Variants in GLIS3 observed in about 807,000 individuals in gnomAD.
The protein encoded by GLIS3 is GLIS family zinc finger 3.
Under a neutral mutation model 78.6 loss-of-function variants are expected in GLIS3, and 53 were observed. The observed-to-expected ratio is 0.67, with a 90% CI of 0.54 to 0.85. The LOEUF (loss-of-function observed/expected upper bound fraction) is 0.85. GLIS3 is among the 40% of genes least tolerant of loss of function. The pLI is 0.00. For missense variants in GLIS3, 1,703 were observed against 1,231.1 expected (o/e 1.38, Z -5.74); for synonymous variants, 684 against 509.9 (o/e 1.34, Z -4.60).
the GLIS3 span, among the ~76,000 whole-genome samples, chr9:4,438,196 C>A: frequency 2.6e-5 from 4 of 152,108 alleles, no homozygotes; most frequent in Admixed American, 2.6e-4. Flanking sequence ...TAAAATATTT[C>A]CCTTCTACAA....
intron 2 of GLIS3, among the ~76,000 whole-genome samples, chr9:4,226,392 T>C (rs1355704789): frequency 6.6e-6 from 1 of 152,104 alleles, no homozygotes; most frequent in Non-Finnish European, 1.5e-5. Context: ...AATAAATATA[T>C]GTTGAATAAA....
rs111650035 is a variant in GLIS3 at position 4,100,899 on chromosome 9, G to A, written c.1710+16869C>T. Among the ~76,000 whole-genome samples the A allele has an allele frequency of 4.9e-4, 74 of 152,220 alleles. 1 individual carries two copies. Among genetic ancestry groups the A allele is most frequent in the Admixed American group, 2.0e-3 (30 of 15,282 alleles). On this transcript the variant is annotated intron_variant, in intron 4 of 10. Coordinates refer to ENST00000381971, the MANE Select transcript of GLIS3 (RefSeq NM_001042413.2). The stretch of plus-strand genomic sequence containing the variant: ...ATGGCACCCCTCCTGGAACCCTCTC[G>A]TTGTACAATATCAGGGAACACAAAA...
chr9:4,356,671 G>A, the GLIS3 span, among the ~76,000 whole-genome samples: 7 of 152,174 alleles, frequency 4.6e-5, no homozygotes, highest in Non-Finnish European at 5.9e-5. Flanking sequence ...AAGAGTATGT[G>A]ATCAAAGACT....
rs905704711 is a variant in GLIS3, at chr9:4,046,286, T to C, written c.1710+71482A>G. Among the ~76,000 whole-genome samples, 45 of 152,208 alleles carry C rather than the reference T, an allele frequency of 3.0e-4. 1 individual carries two copies. The highest frequency in any genetic ancestry group is 2.1e-3 in the Admixed American group (32 of 15,282). On this transcript the variant is annotated intron_variant, in intron 4 of 10. Transcript: ENST00000381971. ...TGAACATTTTCATCATGCACCTATG[T>C]GAAGACAGTAAAGGCAACCCTACCA...
At chr9:3,911,397 T>C (rs117620755) in intron 6 of GLIS3, among the ~76,000 whole-genome samples, 1 of 152,234 alleles carries the variant, frequency 6.6e-6, no homozygotes, top group African/African-American at 2.4e-5. Context: ...GAACCTCTTC[T>C]TGGCTACATT....
chr9:4,380,913 GA>G, the GLIS3 span, among the ~76,000 whole-genome samples: 1 of 152,152 alleles, frequency 6.6e-6, no homozygotes, highest in Non-Finnish European at 1.5e-5. Flanking sequence ...GCTAGTTAGT[GA>G]AAACAATGGA....
intron 8 of GLIS3, among the ~76,000 whole-genome samples, chr9:3,860,662 G>A (rs971605623): frequency 4.6e-5 from 7 of 152,298 alleles, no homozygotes; most frequent in African/African-American, 1.7e-4. Flanking sequence ...ACCCACCTGG[G>A]CTTGGATGCT....
intron 4 of GLIS3, among the ~76,000 whole-genome samples, chr9:4,018,143 A>G (rs1232319163): frequency 6.6e-6 from 1 of 152,246 alleles, no homozygotes; most frequent in African/African-American, 2.4e-5. Context: ...GTCATCTGAA[A>G]AGGAAGGCAG....
chr9:4,043,987 C>G (rs1222902500), intron 4 of GLIS3, among the ~76,000 whole-genome samples: 1 of 152,090 alleles, frequency 6.6e-6, no homozygotes, highest in African/African-American at 2.4e-5. Context: ...CAATGGAAGG[C>G]AATATGATGG....
intron 2 of GLIS3, among the ~76,000 whole-genome samples, chr9:4,229,845 T>C (rs1822100601): frequency 6.6e-6 from 1 of 152,252 alleles, no homozygotes; most frequent in Non-Finnish European, 1.5e-5. Flanking sequence ...CTGAGAATAA[T>C]TTCTGTAAAC....
intron 2 of GLIS3, among the ~76,000 whole-genome samples, chr9:4,333,741 C>A (rs966648927): frequency 1.7e-5 from 2 of 119,678 alleles, no homozygotes; most frequent in South Asian, 3.3e-4. Flanking sequence ...TGATGCCCCC[C>A]CCCACCCCCC....
chr9:4,106,071 T>C (rs1389341217), intron 4 of GLIS3, among the ~76,000 whole-genome samples: 1 of 152,176 alleles, frequency 6.6e-6, no homozygotes, highest in African/African-American at 2.4e-5. Flanking sequence ...ACCTGTCCCA[T>C]TGTCACACCT....
chr9:4,102,548 G>A (rs1181937209), intron 4 of GLIS3, among the ~76,000 whole-genome samples: 1 of 152,140 alleles, frequency 6.6e-6, no homozygotes, highest in Non-Finnish European at 1.5e-5. Flanking sequence ...ATCGGCATCT[G>A]GTAGTTAGAG....
At chr9:4,316,472 T>G (rs1010696748) in intron 2 of GLIS3, among the ~76,000 whole-genome samples, 3 of 152,224 alleles carry the variant, frequency 2.0e-5, no homozygotes, top group Admixed American at 2.0e-4. Flanking sequence ...CATCATTTTG[T>G]GATAACATTG....
chr9:4,337,095 G>C (rs575724216), intron 2 of GLIS3, among the ~76,000 whole-genome samples: 2 of 152,220 alleles, frequency 1.3e-5, no homozygotes, highest in Non-Finnish European at 2.9e-5. Context: ...AGAGTTGGTA[G>C]TGTCATTGGC....
chr9:3,970,864 T>C (rs912483352), intron 4 of GLIS3, among the ~76,000 whole-genome samples: 1 of 152,010 alleles, frequency 6.6e-6, no homozygotes, highest in Non-Finnish European at 1.5e-5. Flanking sequence ...TCAAAGCAGG[T>C]TCAGAGGCAC....
the GLIS3 span, among the ~76,000 whole-genome samples, chr9:4,419,225 A>T: frequency 6.6e-6 from 1 of 152,212 alleles, no homozygotes; most frequent in Non-Finnish European, 1.5e-5. Context: ...CTAGGTGCTC[A>T]TCTGGGTTGA....
At position 3,863,830 on chromosome 9, in the gene GLIS3, AT is replaced by A. The variant is rs535665922; in HGVS notation, c.2298-7647del. On this transcript the variant is annotated intron_variant, in intron 8 of 10. Coordinates refer to ENST00000381971, the MANE Select transcript of GLIS3 (RefSeq NM_001042413.2). The stretch of plus-strand genomic sequence containing the variant: ...TCAATGCCCAAGGCAGAGAAGTGTT[AT>A]TTTTTTTTCTTCGAAATGCTGAAAT... Among the ~76,000 whole-genome samples, 7 of 151,694 alleles carry A rather than the reference AT, an allele frequency of 4.6e-5. No individual in the cohort carries two copies. In the East Asian group the frequency reaches 9.7e-4, roughly 21 times the overall value.
At chr9:4,360,673 G>A in the GLIS3 span, among the ~76,000 whole-genome samples, 6 of 152,166 alleles carry the variant, frequency 3.9e-5, no homozygotes, top group African/African-American at 1.2e-4. Flanking sequence ...AAGTTTCAGG[G>A]TTAACGTTTG....
Sources: allele counts gnomAD v4.1 joint callset (sites outside exome capture counted in the v4.1 genomes callset), GRCh38; gene constraint gnomAD v4.1.1; transcripts MANE v1.5; gene names NCBI Gene and HGNC (gene_info 2026-07-23, HGNC 2026-07-21).